RABGAP1L: variants seen among roughly 807,000 people sequenced by gnomAD.
The protein encoded by RABGAP1L is RAB GTPase activating protein 1 like, also known as rab GTPase-activating protein 1-like.
In RABGAP1L, 63 loss-of-function variants were observed where a neutral mutation model predicts 137.7. The observed-to-expected ratio is 0.46, with a 90% CI of 0.37 to 0.56. The LOEUF is 0.56. Among genes scored for constraint, RABGAP1L ranks in the 20% least tolerant of loss-of-function variants. The probability of loss-of-function intolerance (pLI) is 0.00; values close to 1 mark genes in which losing one functional copy is unlikely to be tolerated. For synonymous variants in RABGAP1L, 431 were observed against 433.7 expected, an observed-to-expected ratio of 0.99 and a Z score of 0.08; for missense variants, 1,095 against 1,244.0, an observed-to-expected ratio of 0.88 and a Z score of 1.80.
At chr1:174,686,625 A>G (rs904498171) in intron 15 of RABGAP1L, among the ~76,000 whole-genome samples, 1 of 149,498 alleles carries the variant, frequency 6.7e-6, no homozygotes, top group African/African-American at 2.4e-5. Flanking sequence ...TGGGTGGTGA[A>G]GCTTTGGTTT....
At chr1:174,910,449 A>G (rs916657982) in intron 19 of RABGAP1L, among the ~76,000 whole-genome samples, 1 of 152,236 alleles carries the variant, frequency 6.6e-6, no homozygotes, top group Non-Finnish European at 1.5e-5. Flanking sequence ...ACCCACAGGT[A>G]ACATTGTACT....
At chr1:174,231,460 T>TA in intron 4 of RABGAP1L, 105 bp downstream of exon 4, 2 of 1,024,996 alleles carry the variant, frequency 2.0e-6, no homozygotes, top group East Asian at 4.8e-5. Flanking sequence ...ACTCACACTG[T>TA]AGACATGCAG....
chr1:174,612,840 G>T (rs964395154), intron 13 of RABGAP1L, among the ~76,000 whole-genome samples: 3 of 152,162 alleles, frequency 2.0e-5, no homozygotes, highest in African/African-American at 7.2e-5. Flanking sequence ...TAGTTTATTT[G>T]CGTAGAGGTA....
intron 13 of RABGAP1L, among the ~76,000 whole-genome samples, chr1:174,492,176 C>CTT (rs756360090): frequency 0.015 from 1,741 of 119,938 alleles, 27 homozygotes; most frequent in African/African-American, 0.026. Context: ...TGTCGAATTA[C>CTT]TTTTTTTTTT....
At chr1:174,166,396 A>G (rs1171971915) in intron 1 of RABGAP1L, among the ~76,000 whole-genome samples, 2 of 152,210 alleles carry the variant, frequency 1.3e-5, no homozygotes, top group Non-Finnish European at 2.9e-5. Context: ...AGGGTAGTTT[A>G]TACAGATCTG....
rs986283357 is a variant in RABGAP1L at position 174,831,567 on chromosome 1, G to C, written c.2340+19607G>C. On this transcript the variant is annotated intron_variant, in intron 19 of 25. Coordinates refer to ENST00000681986, the MANE Select transcript of RABGAP1L (RefSeq NM_001366446.1). ...TTGCTATAGACAGACTCTTTGATTG[G>C]CCCTAGTTAATCTGTTCTTGTTTTA... Among the ~76,000 whole-genome samples, 21 of 147,862 alleles carry C rather than the reference G, an allele frequency of 1.4e-4. 1 individual carries two copies. The highest frequency in any genetic ancestry group is 8.8e-4 in the Admixed American group (13 of 14,800).
intron 18 of RABGAP1L, among the ~76,000 whole-genome samples, chr1:174,795,343 A>G (rs1404975649): frequency 6.6e-6 from 1 of 152,190 alleles, no homozygotes; most frequent in East Asian, 1.9e-4. Context: ...CTCACTTTCC[A>G]TACCAGCAAA....
chr1:174,339,540 A>G (rs1681783659), intron 11 of RABGAP1L, among the ~76,000 whole-genome samples: 2 of 152,146 alleles, frequency 1.3e-5, no homozygotes, highest in African/African-American at 4.8e-5. Flanking sequence ...ATTTTTTTAT[A>G]TTGCTTATAA....
At chr1:174,787,586 AG>A (rs1687548262) in intron 18 of RABGAP1L, among the ~76,000 whole-genome samples, 1 of 152,200 alleles carries the variant, frequency 6.6e-6, no homozygotes, top group South Asian at 2.1e-4. Flanking sequence ...TGAGGGGTCA[AG>A]GTGACAGATG....
At chr1:174,201,697 A>G (rs1668116808) in intron 1 of RABGAP1L, among the ~76,000 whole-genome samples, 1 of 151,534 alleles carries the variant, frequency 6.6e-6, no homozygotes, top group South Asian at 2.1e-4. Context: ...CATGTGCACA[A>G]CGTGCAGGTT....
chr1:174,649,448 C>T (rs1051861745), intron 14 of RABGAP1L, among the ~76,000 whole-genome samples: 1 of 152,010 alleles, frequency 6.6e-6, no homozygotes, highest in African/African-American at 2.4e-5. Context: ...TTTATTTCTC[C>T]TTTGCTTATA....
At chr1:174,799,186 T>G (rs888998347) in intron 18 of RABGAP1L, among the ~76,000 whole-genome samples, 1 of 152,232 alleles carries the variant, frequency 6.6e-6, no homozygotes, top group African/African-American at 2.4e-5. Context: ...TTTATCATAT[T>G]GCTTGTTTAC....
chr1:174,980,157 A>G (rs1670965193), intron 23 of RABGAP1L, among the ~76,000 whole-genome samples: 1 of 152,210 alleles, frequency 6.6e-6, no homozygotes, highest in African/African-American at 2.4e-5. Context: ...ATATATAAAC[A>G]GGATGAATTG....
intron 13 of RABGAP1L, among the ~76,000 whole-genome samples, chr1:174,471,739 C>T (rs77811149): frequency 7.9e-5 from 12 of 152,142 alleles, no homozygotes; most frequent in African/African-American, 2.7e-4. Flanking sequence ...CTGGCTGCAG[C>T]GTGCAGAATT....
In RABGAP1L at chr1:174,972,281, T is replaced by C. The variant is rs532253890; in HGVS notation, c.2544+2894T>C. 2.6e-5 allele frequency among the ~76,000 whole-genome samples: 4 copies of C among 152,344 alleles called. No homozygotes were observed. The East Asian group carries it at 7.7e-4, about 29-fold the overall frequency. ...TAGACCAGAAGCTACATGGACTAAG[T>C]GGAAAATTATTTTGTTTTATTTTAA... is the stretch of plus-strand genomic sequence containing the variant. On this transcript the variant is annotated intron_variant, in intron 21 of 25. Transcript: ENST00000681986.
intron 11 of RABGAP1L, among the ~76,000 whole-genome samples, chr1:174,321,995 T>A (rs1680039301): frequency 6.6e-6 from 1 of 152,112 alleles, no homozygotes; most frequent in African/African-American, 2.4e-5. Context: ...ACAATTTTTT[T>A]ATCAGATGTG....
chr1:174,216,510 G>A (rs1220933951), intron 1 of RABGAP1L, among the ~76,000 whole-genome samples: 1 of 150,540 alleles, frequency 6.6e-6, no homozygotes, highest in Non-Finnish European at 1.5e-5. Context: ...TACAAGTAGT[G>A]CCATTACCTT....
chr1:174,613,582 G>T (rs1486280240), intron 13 of RABGAP1L, among the ~76,000 whole-genome samples: 1 of 152,160 alleles, frequency 6.6e-6, no homozygotes, highest in African/African-American at 2.4e-5. Flanking sequence ...TCTGCTTGGT[G>T]CAGAGCTGAG....
intron 11 of RABGAP1L, among the ~76,000 whole-genome samples, chr1:174,362,840 G>A (rs1211581338): frequency 1.3e-5 from 2 of 152,022 alleles, no homozygotes; most frequent in Non-Finnish European, 2.9e-5. Flanking sequence ...GTTGCTTTTG[G>A]CATCTTCATC....
Sources: gnomAD v4.1 joint callset for allele counts (sites outside exome capture counted in the v4.1 genomes callset) on GRCh38, gnomAD v4.1.1 for gene constraint, MANE v1.5 for transcripts, NCBI Gene and HGNC (gene_info 2026-07-23, HGNC 2026-07-21) for gene names.